Variants in TIMELESS observed in about 807,000 individuals in gnomAD.
TIMELESS encodes timeless circadian regulator.
A neutral mutation model predicts 164.3 loss-of-function variants in TIMELESS; 124 were observed. That is an observed-to-expected ratio of 0.75 (90% CI 0.65 to 0.88). The LOEUF (loss-of-function observed/expected upper bound fraction) is 0.88, where lower values mean the gene tolerates loss of function less well. Among genes scored for constraint, TIMELESS ranks in the 40% least tolerant of loss-of-function variants. The pLI, the probability that TIMELESS is intolerant of heterozygous loss-of-function variation, is 0.00. For missense variants in TIMELESS, 1,422 were observed against 1,491.4 expected, an observed-to-expected ratio of 0.95 and a Z score of 0.77; for synonymous variants, 564 against 563.4, an observed-to-expected ratio of 1.00 and a Z score of -0.02.
In TIMELESS at chr12:56,422,836, T is replaced by C; in HGVS notation, c.2438+11A>G. On this transcript the variant is annotated intron_variant, in intron 19 of 28. Transcript: ENST00000553532. ...CTACCCCCACCCACCCTTTGCCAAC[T>C]TCAAGCTCACCTGTCATCCAGGGAG... 2.5e-6 allele frequency: 2 copies of C among 816,082 alleles called. No individual in the cohort carries two copies. The highest frequency in any genetic ancestry group is 1.8e-5 in the African/African-American group (1 of 56,692). The allele number at this position is 816,082 out of a possible 1,614,324, so 50.6% of individuals were successfully genotyped here.
intron 1 of TIMELESS, among the ~76,000 whole-genome samples, chr12:56,439,353 T>C (rs1882178661): frequency 6.6e-6 from 1 of 151,492 alleles, no homozygotes; most frequent in Non-Finnish European, 1.5e-5. Flanking sequence ...TACAACTCTC[T>C]GAATATACTA....
At chr12:56,431,411 C>T in intron 8 of TIMELESS, 60 bp downstream of exon 8, 1 of 1,506,920 alleles carries the variant, frequency 6.6e-7, no homozygotes, top group Non-Finnish European at 8.9e-7. Context: ...TTAGAATTTG[C>T]CTTCTATGCC....
chr12:56,426,385 C>CTTTT (rs35546587), intron 13 of TIMELESS, among the ~76,000 whole-genome samples: 1 of 137,078 alleles, frequency 7.3e-6, no homozygotes, highest in Admixed American at 7.5e-5. Context: ...GGTACAAAAT[C>CTTTT]TTTTTTTTTT....
At chr12:56,421,215 G>A (rs940367701) in intron 23 of TIMELESS, 81 bp from the exon 24 acceptor site, 25 of 1,592,140 alleles carry the variant, frequency 1.6e-5, no homozygotes, top group South Asian at 1.4e-4. Context: ...CCTGACCACC[G>A]CACCCCCCCG....
Position 56,421,117 on chromosome 12 carries a change from G to A in TIMELESS, c.2886C>T (p.Ser962=), listed in dbSNP as rs1412712573. 6.2e-7 allele frequency: 1 copy of A among 1,614,018 alleles called. No homozygotes were observed. The highest frequency in any genetic ancestry group is 8.5e-7 in the Non-Finnish European group (1 of 1,180,012). Residue 962 remains serine (S), a synonymous_variant, in exon 24 of 29, where the codon TCC becomes TCT. Coordinates refer to ENST00000553532, the MANE Select transcript of TIMELESS (RefSeq NM_003920.5). ...ASSILPNGAE[S]LKDFCQEDLE... ...GATCTTCCTGGCAAAAATCTTTCAG[G>A]GACTCCGCTCCATTTGGCTAAAATT...
chr12:56,425,156 T>G lies in TIMELESS; in HGVS notation c.1579-4A>C, dbSNP rs1392379219. 1 of 1,611,648 alleles carries G rather than the reference T, an allele frequency of 6.2e-7. No individual in the cohort carries two copies. Among genetic ancestry groups the G allele is most frequent in the South Asian group, 1.1e-5 (1 of 90,968 alleles). On this transcript the variant is annotated splice_region_variant and splice_polypyrimidine_tract_variant and intron_variant, in intron 13 of 28. Transcript: ENST00000553532. Reference sequence around the variant, plus strand: ...TCCTTCTCTTCTTTTGTTTGTTCTGTGGGGAAAGAATTGTATTAGGATGTC... The same window carrying G: ...TCCTTCTCTTCTTTTGTTTGTTCTGGGGGGAAAGAATTGTATTAGGATGTC...
intron 19 of TIMELESS, 35 bp downstream of exon 19, chr12:56,422,812 T>TC: frequency 1.2e-6 from 1 of 811,976 alleles, no homozygotes; most frequent in Non-Finnish European, 2.0e-6. Flanking sequence ...AAACTTCCCC[T>TC]ACCCCCACCC....
chr12:56,430,129 G>A lies in TIMELESS; in HGVS notation c.1062C>T (p.Tyr354=), dbSNP rs558674778. The change falls in exon 10 of 29, where the codon TAC becomes TAT. Residue 354 remains tyrosine (Y), a synonymous_variant. Transcript: ENST00000553532. The part of the protein sequence containing the change: ...DFCSEFLENC[Y]NRLMGSVKDH... ...CCTTTACTGATCCCATGAGCCGGTTGTAACAGTTCTCCAGGAACTCAGAGC... is the reference window on the plus strand; with the variant it reads ...CCTTTACTGATCCCATGAGCCGGTTATAACAGTTCTCCAGGAACTCAGAGC... The A allele has an allele frequency of 1.1e-5, 17 of 1,613,570 alleles. No individual in the cohort carries two copies. In the Admixed American group the frequency reaches 1.3e-4, roughly 13 times the overall value.
chr12:56,431,054 T>G, intron 8 of TIMELESS, 86 bp from the exon 9 acceptor site: 2 of 963,482 alleles, frequency 2.1e-6, no homozygotes, highest in Non-Finnish European at 3.1e-6. Context: ...TTGGAGCAAG[T>G]TAAAACTACA....
intron 19 of TIMELESS, 28 bp downstream of exon 19, chr12:56,422,819 A>ATTT: frequency 1.2e-6 from 1 of 862,588 alleles, no homozygotes; most frequent in Non-Finnish European, 1.8e-6. Flanking sequence ...CCCTACCCCC[A>ATTT]CCCACCCTTT....
intron 13 of TIMELESS, among the ~76,000 whole-genome samples, 188 bp downstream of exon 13, chr12:56,428,046 CAG>C (rs1185724393): frequency 3.3e-5 from 5 of 152,192 alleles, no homozygotes. Context: ...TATGGCAGAT[CAG>C]AGATTATTCT....
At position 56,424,921 on chromosome 12, in the gene TIMELESS, T is replaced by A. The variant is rs773566138; in HGVS notation, c.1717-8A>T. ...CATGCTGAGCTCAGAATTCTAGAGA[T>A]GGATAAAGCTATGGGAGCGGAGGGA... On this transcript the variant is annotated splice_region_variant and splice_polypyrimidine_tract_variant and intron_variant, in intron 14 of 28. Transcript: ENST00000553532. The A allele has an allele frequency of 6.2e-7, 1 of 1,614,114 alleles. No homozygotes were observed. The highest frequency in any genetic ancestry group is 1.1e-5 in the South Asian group (1 of 91,084).
intron 1 of TIMELESS, among the ~76,000 whole-genome samples, chr12:56,446,601 C>T (rs1025385535): frequency 3.9e-5 from 6 of 151,988 alleles, no homozygotes; most frequent in African/African-American, 1.2e-4. Flanking sequence ...GTGGCTGAGG[C>T]GGATGGATCG....
chr12:56,429,103 G>A lies in TIMELESS; in HGVS notation c.1087-3C>T. The A allele has an allele frequency of 6.2e-7, 1 of 1,609,140 alleles. No homozygotes were observed. Among genetic ancestry groups the A allele is most frequent in the Non-Finnish European group, 8.5e-7 (1 of 1,178,754 alleles). On this transcript the variant is annotated splice_region_variant and splice_polypyrimidine_tract_variant and intron_variant, in intron 10 of 28. Coordinates refer to ENST00000553532, the MANE Select transcript of TIMELESS (RefSeq NM_003920.5). ...GCTTTCTCCCGAAGCAGGTGATCCT[G>A]ACATTTAAAAAAGAAAAAAAAAGAT...
Position 56,421,761 on chromosome 12 carries a change from C to T in TIMELESS, c.2691G>A (p.Leu897=), listed in dbSNP as rs1470480789. 3.7e-6 allele frequency: 6 copies of T among 1,614,078 alleles called. No homozygotes were observed. The highest frequency in any genetic ancestry group is 5.1e-6 in the Non-Finnish European group (6 of 1,180,056). ...VLWTGDQELE[L]QRLFEEFRDS... Reference sequence around the variant, plus strand: ...CCCGGAATTCCTCAAAAAGCCGCTGCAGCTCCAACTCCTGATCCCCCGTCC... The same window carrying T: ...CCCGGAATTCCTCAAAAAGCCGCTGTAGCTCCAACTCCTGATCCCCCGTCC... The change falls in exon 22 of 29, where the codon CTG becomes CTA. Residue 897 remains leucine, a synonymous_variant. Coordinates refer to ENST00000553532, the MANE Select transcript of TIMELESS (RefSeq NM_003920.5).
At position 56,424,873 on chromosome 12, in the gene TIMELESS, G is replaced by A. The variant is rs746880297; in HGVS notation, c.1757C>T (p.Ala586Val). 19 of 1,614,084 alleles carry A rather than the reference G, an allele frequency of 1.2e-5. No homozygotes were observed. Among genetic ancestry groups the A allele is most frequent in the Admixed American group, 3.3e-5 (2 of 60,000 alleles). ...CTCCTCCACTGGCACCTCTGAGGCCGCATCAAAGGGAACCACGGAGTCCAT... is the reference window on the plus strand; with the variant it reads ...CTCCTCCACTGGCACCTCTGAGGCCACATCAAAGGGAACCACGGAGTCCAT... Reference protein sequence around the residue: ...LSMDSVVPFDAASEVPVEEQR... With the variant: ...LSMDSVVPFDVASEVPVEEQR... Residue 586 changes from alanine (A) to valine (V), a missense_variant, in exon 15 of 29, where the codon GCG becomes GTG. Ala to Val is a moderately conservative substitution (Grantham distance 64). Transcript: ENST00000553532.
At position 56,422,206 on chromosome 12, in the gene TIMELESS, G is replaced by A. The variant is rs764696792; in HGVS notation, c.2439-15C>T. 2.6e-5 allele frequency: 42 copies of A among 1,612,936 alleles called. 1 individual carries two copies. The highest frequency in any genetic ancestry group is 2.6e-5 in the Non-Finnish European group (31 of 1,179,498). Reference sequence around the variant, plus strand: ...GACTGGAAGACCTGAATGGTGAAAGGAGAAAGGGAGCATATAGGTTCTTGG... The same window carrying A: ...GACTGGAAGACCTGAATGGTGAAAGAAGAAAGGGAGCATATAGGTTCTTGG... On this transcript the variant is annotated splice_polypyrimidine_tract_variant and intron_variant, in intron 19 of 28. Transcript: ENST00000553532.
At chr12:56,428,683 G>A (rs767818423) in intron 11 of TIMELESS, 31 bp from the exon 12 acceptor site, 1 of 1,591,514 alleles carries the variant, frequency 6.3e-7, no homozygotes. Context: ...GTGAAATGGA[G>A]GACAGCTTAG....
In TIMELESS at chr12:56,432,433, G is replaced by A. The variant is rs376672384; in HGVS notation, c.623C>T (p.Ser208Leu). The A allele has an allele frequency of 3.1e-6, 5 of 1,614,086 alleles. No individual in the cohort carries two copies. Among genetic ancestry groups the A allele is most frequent in the South Asian group, 1.1e-5 (1 of 91,082 alleles). Residue 208 changes from serine (S) to leucine (L), a missense_variant, in exon 7 of 29, where the codon TCG (serine) becomes TTG (leucine). By Grantham distance (145) the Ser-to-Leu change is moderately radical (BLOSUM62 -2). Transcript: ENST00000553532. Reference sequence around the variant, plus strand: ...TAGGCTCCATTGCTCCTCAGCAGACGAGCTGGCCAGAAAGAGGAGCAGGTC... The same window carrying A: ...TAGGCTCCATTGCTCCTCAGCAGACAAGCTGGCCAGAAAGAGGAGCAGGTC... ...LDDLLLFLAS[S>L]SAEEQWSLHV...
Sources: gnomAD v4.1 joint callset for allele counts (sites outside exome capture counted in the v4.1 genomes callset) on GRCh38, gnomAD v4.1.1 for gene constraint, MANE v1.5 for transcripts, NCBI Gene and HGNC (gene_info 2026-07-23, HGNC 2026-07-21) for gene names.